TYR: variants seen among roughly 807,000 people sequenced by gnomAD.
TYR encodes LB24-AB.
Under a neutral mutation model 51.5 loss-of-function variants are expected in TYR, and 58 were observed. The observed-to-expected ratio is 1.13, with a 90% CI of 0.91 to 1.40. The LOEUF (loss-of-function observed/expected upper bound fraction) is 1.40, where lower values mean the gene tolerates loss of function less well. Among genes scored for constraint, TYR ranks in the 40% most tolerant of loss-of-function variants. The pLI, the probability that TYR is intolerant of heterozygous loss-of-function variation, is 0.00. For missense variants in TYR, 732 were observed against 647.4 expected (o/e 1.13, Z -1.42); for synonymous variants, 263 against 235.2 (o/e 1.12, Z -1.08).
At chr11:89,183,683 T>C (rs1220520337) in intron 1 of TYR, among the ~76,000 whole-genome samples, 1 of 152,124 alleles carries the variant, frequency 6.6e-6, no homozygotes, top group Non-Finnish European at 1.5e-5. Flanking sequence ...AAGATGTGTT[T>C]ATATGGCTTG....
intron 3 of TYR, among the ~76,000 whole-genome samples, chr11:89,244,182 C>T (rs1944235818): frequency 6.6e-6 from 1 of 152,036 alleles, no homozygotes; most frequent in Non-Finnish European, 1.5e-5. Context: ...TTATCATTTG[C>T]CTATACTCTT....
intron 3 of TYR, among the ~76,000 whole-genome samples, chr11:89,253,530 T>G (rs999011084): frequency 1.7e-4 from 26 of 152,010 alleles, no homozygotes; most frequent in African/African-American, 6.3e-4. Context: ...TAGAGGTCTT[T>G]CACCTCGTTG....
rs532489606 is a variant in TYR at position 89,295,596 on chromosome 11, G to A, written c.*230G>A. 208 of 539,172 alleles carry A rather than the reference G, an allele frequency of 3.9e-4. No individual in the cohort carries two copies. The highest frequency in any genetic ancestry group is 5.6e-4 in the Non-Finnish European group (169 of 302,038). The allele number at this position is 539,172 out of a possible 1,614,324, so 33.4% of individuals were successfully genotyped here. On this transcript the variant is annotated 3_prime_UTR_variant, in exon 5 of 5. Coordinates refer to ENST00000263321, the MANE Select transcript of TYR (RefSeq NM_000372.5). ...TTTCCCCTAAGCCCATATGTCTAAG[G>A]AAAGGATGCTATTTGGTAATGAGGA... is the stretch of plus-strand genomic sequence containing the variant.
intron 3 of TYR, among the ~76,000 whole-genome samples, chr11:89,256,246 G>T (rs555623677): frequency 6.6e-6 from 1 of 151,726 alleles, no homozygotes; most frequent in Non-Finnish European, 1.5e-5. Flanking sequence ...ATGTGTGAAC[G>T]TAAGTTATTG....
rs183887662 is a variant in TYR at position 89,295,556 on chromosome 11, C to G, written c.*190C>G. The G allele has an allele frequency of 1.4e-4, 99 of 690,056 alleles. No homozygotes were observed. The East Asian group carries it at 2.6e-3, about 18-fold the overall frequency. The allele number at this position is 690,056 out of a possible 1,614,324, so 42.7% of individuals were successfully genotyped here. ...CTGTCTTTGTCTTGCTGTTTTCACT[C>G]AGCCCTTTTAACATTTTCCCCTAAG... On this transcript the variant is annotated 3_prime_UTR_variant, in exon 5 of 5. Transcript: ENST00000263321.
chr11:89,178,804 A>T, intron 1 of TYR, 32 bp downstream of exon 1: 1 of 1,608,642 alleles, frequency 6.2e-7, no homozygotes, highest in Non-Finnish European at 8.5e-7. Flanking sequence ...ATGTCAGAGT[A>T]GGGAGGAACC....
intron 2 of TYR, among the ~76,000 whole-genome samples, chr11:89,222,563 TCC>T (rs1421696325): frequency 2.0e-5 from 3 of 151,986 alleles, no homozygotes; most frequent in Non-Finnish European, 4.4e-5. Flanking sequence ...ACATGGGGAA[TCC>T]CCACCTCTAC....
At chr11:89,233,201 C>T (rs1944072882) in intron 3 of TYR, among the ~76,000 whole-genome samples, 1 of 143,062 alleles carries the variant, frequency 7.0e-6, no homozygotes, top group Non-Finnish European at 1.5e-5. Context: ...GATTCCATCT[C>T]AAGAAACTAC....
rs144312870 is a variant in TYR, at chr11:89,180,446, C to T, written c.819+1674C>T. 1.4e-4 allele frequency among the ~76,000 whole-genome samples: 22 copies of T among 152,134 alleles called. 1 individual carries two copies. In the East Asian group the frequency reaches 4.3e-3, roughly 29 times the overall value. On this transcript the variant is annotated intron_variant, in intron 1 of 4. Transcript: ENST00000263321. ...TACATGAGATGTGTAATACCAGATGCTATCCACAACTGTATGAGTATTATT... is the reference window on the plus strand; with the variant it reads ...TACATGAGATGTGTAATACCAGATGTTATCCACAACTGTATGAGTATTATT...
chr11:89,230,149 G>A (rs1440731823), intron 3 of TYR, among the ~76,000 whole-genome samples: 2 of 152,002 alleles, frequency 1.3e-5, no homozygotes, highest in African/African-American at 4.8e-5. Flanking sequence ...CAAAACTATA[G>A]TAATTATAAT....
At chr11:89,236,864 C>T (rs1944121995) in intron 3 of TYR, among the ~76,000 whole-genome samples, 1 of 152,020 alleles carries the variant, frequency 6.6e-6, no homozygotes, top group South Asian at 2.1e-4. Context: ...CAGTTTTGAC[C>T]TCCTCCATAA....
Position 89,256,245 on chromosome 11 carries a change from C to T in TYR, c.1184+28275C>T, listed in dbSNP as rs144195490. Among the ~76,000 whole-genome samples, 1,161 of 151,686 alleles carry T rather than the reference C, an allele frequency of 7.7e-3. 25 individuals carry two copies. The highest frequency in any genetic ancestry group is 6.3e-3 in the Non-Finnish European group (429 of 67,758). ...TTTTAGAGCAACTTGGATGTGTGAA[C>T]GTAAGTTATTGCCTGTAAAATGTAT... On this transcript the variant is annotated intron_variant, in intron 3 of 4. Transcript: ENST00000263321.
chr11:89,240,512 A>G (rs1944178242), intron 3 of TYR, among the ~76,000 whole-genome samples: 2 of 152,046 alleles, frequency 1.3e-5, no homozygotes, highest in South Asian at 2.1e-4. Flanking sequence ...TGTCATAAAC[A>G]TTATAAATAT....
At chr11:89,233,006 C>G (rs1392161395) in intron 3 of TYR, among the ~76,000 whole-genome samples, 3 of 142,934 alleles carry the variant, frequency 2.1e-5, no homozygotes, top group African/African-American at 8.3e-5. Flanking sequence ...TTGATACTTT[C>G]TTTCACAAAA....
chr11:89,195,196 G>T (rs1378031191), intron 2 of TYR, among the ~76,000 whole-genome samples: 2 of 152,102 alleles, frequency 1.3e-5, no homozygotes, highest in Non-Finnish European at 2.9e-5. Context: ...CAAAGTTATT[G>T]CTTCCTTTTC....
chr11:89,272,477 C>T (rs553073480), intron 3 of TYR, among the ~76,000 whole-genome samples: 1 of 151,698 alleles, frequency 6.6e-6, no homozygotes, highest in Admixed American at 6.6e-5. Flanking sequence ...GTGCTGTCAC[C>T]TAAACATTGT....
At chr11:89,239,660 G>A (rs1300303887) in intron 3 of TYR, among the ~76,000 whole-genome samples, 2 of 151,464 alleles carry the variant, frequency 1.3e-5, no homozygotes, top group African/African-American at 4.8e-5. Flanking sequence ...AATATTTTTT[G>A]TTAATGTAGG....
rs114882992 is a variant in TYR at position 89,183,455 on chromosome 11, A to G, written c.819+4683A>G. Among the ~76,000 whole-genome samples, 760 of 152,130 alleles carry G rather than the reference A, an allele frequency of 5.0e-3. 5 individuals are homozygous for G. The highest frequency in any genetic ancestry group is 0.017 in the African/African-American group (716 of 41,534). ...AATGAGGTAGAATTACCATCTATAC[A>G]TGTTTTGTGTGTGTGCTAATAGGAG... On this transcript the variant is annotated intron_variant, in intron 1 of 4. Coordinates refer to ENST00000263321, the MANE Select transcript of TYR (RefSeq NM_000372.5).
intron 1 of TYR, among the ~76,000 whole-genome samples, chr11:89,180,086 A>G (rs896225052): frequency 1.3e-5 from 2 of 152,176 alleles, no homozygotes; most frequent in African/African-American, 2.4e-5. Flanking sequence ...GCCACTGTAT[A>G]ATTTCTGGTG....
Sources: allele counts gnomAD v4.1 joint callset (sites outside exome capture counted in the v4.1 genomes callset), GRCh38; gene constraint gnomAD v4.1.1; transcripts MANE v1.5; gene names NCBI Gene and HGNC (gene_info 2026-07-23, HGNC 2026-07-21).